Variants in KCNE3 observed in about 807,000 individuals in gnomAD.
The protein encoded by KCNE3 is potassium voltage-gated channel subfamily E regulatory subunit 3, also known as potassium voltage-gated channel subfamily E member 3.
A neutral mutation model predicts 4.3 loss-of-function variants in KCNE3; 2 were observed. The ratio of observed to expected loss-of-function variants is 0.47; its 90% CI spans 0.19 to 1.48. The LOEUF is 1.48. Ranked by LOEUF, KCNE3 falls within the 40% of genes most tolerant of loss-of-function variation. KCNE3 has a pLI of 0.25. For synonymous variants in KCNE3, 47 were observed against 52.0 expected (o/e 0.90, Z 0.41); for missense variants, 128 against 136.8 (o/e 0.94, Z 0.32).
rs1863816214 is a variant in KCNE3 at position 74,456,350 on chromosome 11, A to C, written c.*902T>G. ...GTCTCAAAAAAAAAAAAAGAAAAGAAAAGAAAAGAAGTTTCTCACATCACT... is the reference window on the plus strand; with the variant it reads ...GTCTCAAAAAAAAAAAAAGAAAAGACAAGAAAAGAAGTTTCTCACATCACT... On this transcript the variant is annotated 3_prime_UTR_variant, in exon 3 of 3. Coordinates refer to ENST00000310128, the MANE Select transcript of KCNE3 (RefSeq NM_005472.5). The C allele has an allele frequency of 6.6e-6, 1 of 150,544 alleles. No homozygotes were observed. Among genetic ancestry groups the C allele is most frequent in the African/African-American group, 2.4e-5 (1 of 41,246 alleles). 9.3% of individuals were successfully genotyped at this position (150,544 alleles called of 1,614,324 possible).
intron 2 of KCNE3, among the ~76,000 whole-genome samples, chr11:74,459,194 AG>A (rs1310168353): frequency 6.6e-6 from 1 of 151,996 alleles, no homozygotes; most frequent in East Asian, 1.9e-4. Context: ...CCTGGCATAT[AG>A]TAAGTGATTA....
rs947515764 is a variant in KCNE3 at position 74,456,459 on chromosome 11, T to A, written c.*793A>T. 2 of 152,112 alleles carry A rather than the reference T, an allele frequency of 1.3e-5. No homozygotes were observed. Among genetic ancestry groups the A allele is most frequent in the African/African-American group, 4.8e-5 (2 of 41,416 alleles). The allele number at this position is 152,112 out of a possible 1,614,324, so 9.4% of individuals were successfully genotyped here. A position where few individuals can be genotyped will look rare whatever the true frequency, so the allele number is the denominator to read the frequency against. On this transcript the variant is annotated 3_prime_UTR_variant, in exon 3 of 3. Coordinates refer to ENST00000310128, the MANE Select transcript of KCNE3 (RefSeq NM_005472.5). ...TGTGGCTGGGAAGTGCCCTGTGACT[T>A]GGTTCAAGAAGCATATGAACCATAG... is the stretch of plus-strand genomic sequence containing the variant.
chr11:74,461,292 TTGTGTG>T (rs4018948), intron 2 of KCNE3, among the ~76,000 whole-genome samples: 66,388 of 148,224 alleles, frequency 0.45, 17,204 homozygotes, highest in East Asian at 0.62. Flanking sequence ...TTTTTATGTT[TTGTGTG>T]TGTGTGTGTG....
At chr11:74,465,771 CAT>C (rs1312138478) in intron 1 of KCNE3, among the ~76,000 whole-genome samples, 2 of 152,198 alleles carry the variant, frequency 1.3e-5, no homozygotes, top group Non-Finnish European at 2.9e-5. Flanking sequence ...GCCTACCACA[CAT>C]GAGAACTAGA....
chr11:74,458,764 G>A (rs1258875558), intron 2 of KCNE3, among the ~76,000 whole-genome samples: 1 of 152,010 alleles, frequency 6.6e-6, no homozygotes, highest in East Asian at 1.9e-4. Flanking sequence ...GACTCAGAAG[G>A]TGGAGGTTGC....
At chr11:74,459,022 C>T (rs905279520) in intron 2 of KCNE3, among the ~76,000 whole-genome samples, 50 of 152,106 alleles carry the variant, frequency 3.3e-4, no homozygotes, top group South Asian at 6.2e-4. Flanking sequence ...GAAACGGGAA[C>T]AGGTTGGTAA....
At position 74,457,451 on chromosome 11, in the gene KCNE3, C is replaced by T. The variant is rs757172223; in HGVS notation, c.113G>A (p.Gly38Glu). Residue 38 changes from glycine (G) to glutamate (E), a missense_variant, in exon 3 of 3, where the codon GGG becomes GAG. By Grantham distance (98) the Gly-to-Glu change is moderately conservative. Transcript: ENST00000310128. ...NLLCRPGPGLGPDNQTEERRA... is the reference protein window; with the variant it reads ...NLLCRPGPGLEPDNQTEERRA... ...CCTCTCTTCAGTCTGGTTGTCTGGCCCCAGCCCTGGCCCTGGCCGGCAGAG... is the reference window on the plus strand; with the variant it reads ...CCTCTCTTCAGTCTGGTTGTCTGGCTCCAGCCCTGGCCCTGGCCGGCAGAG... 12 of 1,613,844 alleles carry T rather than the reference C, an allele frequency of 7.4e-6. No homozygotes were observed. The highest frequency in any genetic ancestry group is 1.3e-5 in the African/African-American group (1 of 74,920).
In KCNE3 at chr11:74,456,154, A is replaced by AT. The variant is rs1863805990; in HGVS notation, c.*1097_*1098insA. On this transcript the variant is annotated 3_prime_UTR_variant, in exon 3 of 3. Transcript: ENST00000310128. ...AACATGTGAAACCCTGTCTCTACTT[A>AT]AATATATATATATATATATATATAT... 4 of 41,702 alleles carry AT rather than the reference A, an allele frequency of 9.6e-5. No homozygotes were observed. In the South Asian group the frequency reaches 5.1e-3, roughly 53 times the overall value. 2.6% of individuals were successfully genotyped at this position (41,702 alleles called of 1,614,324 possible).
intron 1 of KCNE3, among the ~76,000 whole-genome samples, chr11:74,466,754 G>A (rs1437703220): frequency 6.6e-6 from 1 of 152,152 alleles, no homozygotes; most frequent in Non-Finnish European, 1.5e-5. Context: ...CAGGAGGCCC[G>A]TTTTACAAAT....
Position 74,457,103 on chromosome 11 carries a change from C to T in KCNE3, c.*149G>A. The T allele has an allele frequency of 5.1e-6, 4 of 786,974 alleles. No individual in the cohort carries two copies. In the South Asian group the frequency reaches 6.1e-5, roughly 12 times the overall value. The allele number at this position is 786,974 out of a possible 1,614,324, so 48.7% of individuals were successfully genotyped here. A position where few individuals can be genotyped will look rare whatever the true frequency, so the allele number is the denominator to read the frequency against. On this transcript the variant is annotated 3_prime_UTR_variant, in exon 3 of 3. Transcript: ENST00000310128. ...CTTCGGTCTACCAGCCCCTCTTCTC[C>T]CACCCCAGTGACGACCTCCCTTAAC...
At chr11:74,464,683 C>T (rs924011117) in intron 1 of KCNE3, among the ~76,000 whole-genome samples, 4 of 152,168 alleles carry the variant, frequency 2.6e-5, no homozygotes, top group African/African-American at 4.8e-5. Context: ...TCTTGACTTC[C>T]CCTCCACAGA....
intron 2 of KCNE3, 50 bp from the exon 3 acceptor site, chr11:74,457,653 A>C: frequency 9.4e-6 from 11 of 1,165,642 alleles, no homozygotes; most frequent in African/African-American, 1.5e-5. Context: ...CCTGCAGCTC[A>C]AATGACCTCC....
chr11:74,461,016 A>G (rs183782232), intron 2 of KCNE3, among the ~76,000 whole-genome samples: 27 of 152,274 alleles, frequency 1.8e-4, no homozygotes, highest in African/African-American at 5.5e-4. Flanking sequence ...GGGTTGAAGG[A>G]GGAAGGGGCC....
Position 74,467,202 on chromosome 11 carries a change from G to T in KCNE3, c.-190+196C>A, listed in dbSNP as rs577222094. On this transcript the variant is annotated intron_variant, in intron 1 of 2. Coordinates refer to ENST00000310128, the MANE Select transcript of KCNE3 (RefSeq NM_005472.5). The surrounding 1 kb of genome is among the most constrained non-coding windows in gnomAD (Gnocchi z 4.4). ...TCCCTACTCCCACATGCTGCTCCAC[G>T]ATCACTGCGCTCGGGAGGATCGGGG... is the stretch of plus-strand genomic sequence containing the variant. Among the ~76,000 whole-genome samples, 20 of 151,638 alleles carry T rather than the reference G, an allele frequency of 1.3e-4. No individual in the cohort carries two copies. Among genetic ancestry groups the T allele is most frequent in the African/African-American group, 4.6e-4 (19 of 41,006 alleles).
rs752253389 is a variant in KCNE3, at chr11:74,457,438, C to A, written c.126G>T (p.Gln42His). 1.2e-6 allele frequency: 2 copies of A among 1,613,950 alleles called. No homozygotes were observed. Among genetic ancestry groups the A allele is most frequent in the Admixed American group, 1.7e-5 (1 of 60,024 alleles). ...RPGPGLGPDN[Q>H]TEERRASLPG... ...GTAGGCTGGCCCGCCTCTCTTCAGT[C>A]TGGTTGTCTGGCCCCAGCCCTGGCC... The change falls in exon 3 of 3, where the codon CAG becomes CAT. Residue 42 changes from glutamine (Q) to histidine (H), a missense_variant. Physicochemically the swap from Gln to His is conservative, Grantham distance 24 (BLOSUM62 0). Transcript: ENST00000310128.
In KCNE3 at chr11:74,467,077, C is replaced by G. The variant is rs774906022; in HGVS notation, c.-190+321G>C. Among the ~76,000 whole-genome samples, 1 of 152,188 alleles carries G rather than the reference C, an allele frequency of 6.6e-6. No individual in the cohort carries two copies. The stretch of plus-strand genomic sequence containing the variant: ...TGCCAGCTGCAAGTGTTCGCTTGCA[C>G]GTCTGTGGGTGTGGAGGAACTTTTC... On this transcript the variant is annotated intron_variant, in intron 1 of 2. Transcript: ENST00000310128. This position sits in a 1 kb window ranked among gnomAD's most constrained non-coding sequence, Gnocchi z 4.4.
chr11:74,459,474 G>A (rs1287686878), intron 2 of KCNE3, among the ~76,000 whole-genome samples: 3 of 151,972 alleles, frequency 2.0e-5, no homozygotes, highest in Non-Finnish European at 4.4e-5. Context: ...ATGTTAGCCA[G>A]GATGGTCTCG....
intron 2 of KCNE3, among the ~76,000 whole-genome samples, chr11:74,461,400 G>A (rs1276919679): frequency 6.6e-6 from 1 of 151,932 alleles, no homozygotes; most frequent in Non-Finnish European, 1.5e-5. Context: ...GGAGGCTGAG[G>A]CCAGTGGGTC....
At position 74,456,988 on chromosome 11, in the gene KCNE3, T is replaced by C. The variant is rs1486032950; in HGVS notation, c.*264A>G. 5.7e-6 allele frequency: 3 copies of C among 524,332 alleles called. No individual in the cohort carries two copies. The Admixed American group carries it at 9.6e-5, about 17-fold the overall frequency. The allele number at this position is 524,332 out of a possible 1,614,324, so 32.5% of individuals were successfully genotyped here. ...CAGCCACTGAACCAGTTATTGGTCA[T>C]TATCTGTTGCTACTTTTATATGTTT... On this transcript the variant is annotated 3_prime_UTR_variant, in exon 3 of 3. Coordinates refer to ENST00000310128, the MANE Select transcript of KCNE3 (RefSeq NM_005472.5).
Sources: gnomAD v4.1 joint callset for allele counts (sites outside exome capture counted in the v4.1 genomes callset) on GRCh38, gnomAD v4.1.1 for gene constraint, Gnocchi (gnomAD v3.1) non-coding constraint, MANE v1.5 for transcripts, NCBI Gene and HGNC (gene_info 2026-07-23, HGNC 2026-07-21) for gene names.